LCORL: variants seen among roughly 807,000 people sequenced by gnomAD.
LCORL encodes the protein ligand-dependent nuclear receptor corepressor-like protein.
A neutral mutation model predicts 141.8 loss-of-function variants in LCORL; 41 were observed. The observed-to-expected ratio is 0.29, with a 90% confidence interval of 0.23 to 0.38. The LOEUF is 0.38. Among genes scored for constraint, LCORL ranks in the 10% least tolerant of loss-of-function variants. The pLI, the probability that LCORL is intolerant of heterozygous loss-of-function variation, is 1.00. For synonymous variants in LCORL, 618 were observed against 694.1 expected, an observed-to-expected ratio of 0.89 and a Z score of 1.72; for missense variants, 1,759 against 2,035.0, an observed-to-expected ratio of 0.86 and a Z score of 2.61.
intron 7 of LCORL, among the ~76,000 whole-genome samples, chr4:17,865,663 T>C (rs1458215754): frequency 6.6e-6 from 1 of 152,228 alleles, no homozygotes; most frequent in Non-Finnish European, 1.5e-5. Flanking sequence ...ATAATCTTCC[T>C]TCTACCACTA....
intron 4 of LCORL, among the ~76,000 whole-genome samples, chr4:17,946,781 C>T (rs1261974464): frequency 1.3e-5 from 2 of 151,888 alleles, no homozygotes; most frequent in Non-Finnish European, 2.9e-5. Context: ...GGAAACATAA[C>T]ATCTTTTAAG....
intron 4 of LCORL, among the ~76,000 whole-genome samples, chr4:17,954,182 C>CA (rs1712090779): frequency 6.6e-6 from 1 of 151,590 alleles, no homozygotes; most frequent in Non-Finnish European, 1.5e-5. Flanking sequence ...CAAACAAAAA[C>CA]AAACAAATAA....
intron 2 of LCORL, among the ~76,000 whole-genome samples, chr4:17,966,691 G>C (rs1447878969): frequency 6.6e-6 from 1 of 152,092 alleles, no homozygotes; most frequent in Non-Finnish European, 1.5e-5. Flanking sequence ...CATATGAAAA[G>C]ATGCTGAATG....
chr4:17,861,239 G>A (rs1014421851), intron 7 of LCORL, among the ~76,000 whole-genome samples: 11 of 152,224 alleles, frequency 7.2e-5, no homozygotes, highest in East Asian at 5.8e-4. Context: ...GCATCCAGGC[G>A]TTTCCACACA....
intron 4 of LCORL, chr4:17,911,762 G>A: frequency 2.2e-6 from 1 of 461,564 alleles, no homozygotes; most frequent in Non-Finnish European, 4.2e-6. Context: ...TGGCTGGTCA[G>A]CAGCGTGGCT....
chr4:17,969,245 T>C (rs879381664), intron 2 of LCORL, among the ~76,000 whole-genome samples: 1 of 152,178 alleles, frequency 6.6e-6, no homozygotes, highest in Non-Finnish European at 1.5e-5. Context: ...GTTTGTGACT[T>C]CTTGGAGACC....
intron 2 of LCORL, 74 bp downstream of exon 2, chr4:17,972,746 G>A (rs1209056442): frequency 2.2e-5 from 13 of 579,006 alleles, no homozygotes; most frequent in Middle Eastern, 4.8e-4. Flanking sequence ...TATAAAGTTA[G>A]TATAGAACAA....
At chr4:17,911,522 G>A (rs969381778) in intron 4 of LCORL, among the ~76,000 whole-genome samples, 2 of 152,192 alleles carry the variant, frequency 1.3e-5, no homozygotes, top group African/African-American at 2.4e-5. Flanking sequence ...TTAACTACAC[G>A]GTAAAGCTTG....
intron 6 of LCORL, chr4:17,882,385 T>G: frequency 1.0e-6 from 1 of 984,540 alleles, no homozygotes; most frequent in Non-Finnish European, 1.2e-6. Context: ...ATATGCTTTA[T>G]AACATTTTAC....
chr4:17,846,046 TTC>T, intron 7 of LCORL, 145 bp from the exon 8 acceptor site: 1 of 639,618 alleles, frequency 1.6e-6, no homozygotes, highest in Non-Finnish European at 2.7e-6. Context: ...TACAACAGTT[TTC>T]TCTCCCGCCT....
At chr4:17,998,665 A>G (rs139260834) in intron 1 of LCORL, among the ~76,000 whole-genome samples, 121 of 152,172 alleles carry the variant, frequency 8.0e-4, no homozygotes, top group African/African-American at 2.8e-3. Context: ...AATTAAAATA[A>G]CAATAAAAAC....
At chr4:17,997,102 T>A (rs552163644) in intron 1 of LCORL, among the ~76,000 whole-genome samples, 2 of 152,278 alleles carry the variant, frequency 1.3e-5, no homozygotes, top group South Asian at 4.1e-4. Context: ...AAGTGTCCTG[T>A]CTTCCAAACT....
intron 1 of LCORL, among the ~76,000 whole-genome samples, chr4:17,978,879 C>T (rs1717471483): frequency 6.6e-6 from 1 of 152,166 alleles, no homozygotes; most frequent in Non-Finnish European, 1.5e-5. Flanking sequence ...ACTCACAATA[C>T]ACTAAAGGCA....
chr4:17,934,694 T>C (rs922236811), intron 4 of LCORL, among the ~76,000 whole-genome samples: 1 of 152,186 alleles, frequency 6.6e-6, no homozygotes, highest in East Asian at 1.9e-4. Flanking sequence ...ATCTGCAGAA[T>C]TATGGAGCAA....
intron 7 of LCORL, among the ~76,000 whole-genome samples, chr4:17,865,586 C>T (rs986460971): frequency 6.6e-6 from 1 of 152,126 alleles, no homozygotes; most frequent in Non-Finnish European, 1.5e-5. Context: ...CACAGCAGAG[C>T]AAAATTTGTG....
chr4:17,877,604 TGAA>T, exon 7 of LCORL: 1 of 1,230,756 alleles, frequency 8.1e-7, no homozygotes, highest in Non-Finnish European at 1.0e-6. Flanking sequence ...TTTCTAAGGC[TGAA>T]ATCTCTGAGA....
At chr4:17,848,464 C>T (rs1424743318) in intron 7 of LCORL, among the ~76,000 whole-genome samples, 3 of 152,228 alleles carry the variant, frequency 2.0e-5, no homozygotes, top group African/African-American at 4.8e-5. Context: ...ATCCTTCTGC[C>T]TCAGCCTTCT....
At chr4:17,907,506 A>C (rs573964570) in intron 5 of LCORL, among the ~76,000 whole-genome samples, 5 of 152,330 alleles carry the variant, frequency 3.3e-5, no homozygotes, top group South Asian at 2.1e-4. Context: ...AGAAATCCCC[A>C]AAAGGAGAGG....
intron 2 of LCORL, among the ~76,000 whole-genome samples, chr4:17,972,255 G>A (rs959325282): frequency 6.6e-6 from 1 of 151,694 alleles, no homozygotes; most frequent in Admixed American, 6.6e-5. Flanking sequence ...TACAACTCTA[G>A]CTCTTCAGAT....
Sources: allele counts gnomAD v4.1 joint callset (sites outside exome capture counted in the v4.1 genomes callset), GRCh38; gene constraint gnomAD v4.1.1; transcripts MANE v1.5; gene names NCBI Gene and HGNC (gene_info 2026-07-23, HGNC 2026-07-21).